APBA2: variants seen among roughly 807,000 people sequenced by gnomAD.
APBA2 encodes the protein amyloid beta precursor protein binding family A member 2.
In APBA2, 30 loss-of-function variants were observed where a neutral mutation model predicts 75.0. The observed-to-expected ratio is 0.40, with a 90% CI of 0.30 to 0.54. APBA2 has a LOEUF of 0.54. Ranked by LOEUF, APBA2 falls within the 20% of genes least tolerant of loss-of-function variation. APBA2 has a pLI of 0.49. For synonymous variants in APBA2, 444 were observed against 409.6 expected (o/e 1.08, Z -1.01); for missense variants, 801 against 1,016.1 (o/e 0.79, Z 2.88).
chr15:29,112,958 G>A (rs1284811100), intron 13 of APBA2, among the ~76,000 whole-genome samples: 1 of 152,114 alleles, frequency 6.6e-6, no homozygotes, highest in African/African-American at 2.4e-5. Context: ...CACAGTGTTT[G>A]TTCGTGTGCC....
At chr15:29,075,977 A>G in intron 5 of APBA2, 78 bp from the exon 6 acceptor site, 1 of 1,326,870 alleles carries the variant, frequency 7.5e-7, no homozygotes, top group South Asian at 1.2e-5. Context: ...CTCATATCAC[A>G]GCCCTGCTTA....
chr15:28,937,011 A>G (rs2034914804), intron 2 of APBA2, among the ~76,000 whole-genome samples: 1 of 152,218 alleles, frequency 6.6e-6, no homozygotes, highest in South Asian at 2.1e-4. Flanking sequence ...AAATCTGTGC[A>G]GAAAGAGAAA....
chr15:29,032,519 A>G (rs1168106540), intron 3 of APBA2, among the ~76,000 whole-genome samples: 1 of 152,230 alleles, frequency 6.6e-6, no homozygotes, highest in Admixed American at 6.5e-5. Context: ...ATTCCTTGAA[A>G]TAAATCTCTT....
chr15:28,953,916 C>T (rs1298864975), intron 2 of APBA2, among the ~76,000 whole-genome samples: 1 of 152,174 alleles, frequency 6.6e-6, no homozygotes, highest in African/African-American at 2.4e-5. Flanking sequence ...GCTCTGATTT[C>T]TCTTCTGACC....
intron 6 of APBA2, among the ~76,000 whole-genome samples, chr15:29,092,819 G>C (rs1401168966): frequency 1.3e-5 from 2 of 152,204 alleles, no homozygotes; most frequent in African/African-American, 4.8e-5. Flanking sequence ...CAACTGGAAT[G>C]CTGGCATTGT....
intron 6 of APBA2, among the ~76,000 whole-genome samples, chr15:29,083,892 A>G (rs2043184155): frequency 6.6e-6 from 1 of 152,192 alleles, no homozygotes; most frequent in Admixed American, 6.5e-5. Context: ...TTTAGGGGAA[A>G]AAATGTCAGC....
intron 1 of APBA2, among the ~76,000 whole-genome samples, chr15:28,910,191 GTCTGAGTAAAAGAATTGTC>G (rs941491836): frequency 6.6e-6 from 1 of 152,176 alleles, no homozygotes; most frequent in Non-Finnish European, 1.5e-5. Context: ...GCTTACTTTG[GTCTGAGTAAAAGAATTGTC>G]TCCTTTTTTT....
chr15:28,946,663 C>T (rs538994901), intron 2 of APBA2, among the ~76,000 whole-genome samples: 2 of 152,324 alleles, frequency 1.3e-5, no homozygotes, highest in African/African-American at 4.8e-5. Context: ...ACTGCAACCT[C>T]CACCTCTTAG....
chr15:29,041,820 T>A (rs2041062371), intron 3 of APBA2, among the ~76,000 whole-genome samples: 1 of 152,208 alleles, frequency 6.6e-6, no homozygotes, highest in South Asian at 2.1e-4. Flanking sequence ...AATGGTTAGA[T>A]CCCTGGTGAA....
intron 2 of APBA2, among the ~76,000 whole-genome samples, chr15:28,924,243 G>GT (rs75951519): frequency 1.3e-3 from 191 of 150,290 alleles, no homozygotes; most frequent in Middle Eastern, 3.5e-3. Context: ...TCATCTGTAG[G>GT]TTTTTTTTTT....
intron 2 of APBA2, among the ~76,000 whole-genome samples, chr15:28,938,526 C>T (rs976922459): frequency 2.0e-5 from 3 of 152,070 alleles, no homozygotes; most frequent in African/African-American, 4.8e-5. Flanking sequence ...CTTGAGACAG[C>T]GTGACAGAGT....
rs57326919 is a variant in APBA2, at chr15:29,039,098, GGTGTGTGTGTGTGTGTGTGTGT to G, written c.-40-14710_-40-14689del. ...CAGCCTTATTTCAGCTGTATGTCAG[GGTGTGTGTGTGTGTGTGTGTGT>G]GTGTGTGTGTGTGTGTGTGTGTGTG... is the stretch of plus-strand genomic sequence containing the variant. On this transcript the variant is annotated intron_variant, in intron 3 of 14. Coordinates refer to ENST00000683413, the MANE Select transcript of APBA2 (RefSeq NM_001353788.2). Among the ~76,000 whole-genome samples, 362 of 106,294 alleles carry G rather than the reference GGTGTGTGTGTGTGTGTGTGTGT, an allele frequency of 3.4e-3. 2 individuals are homozygous for G. The highest frequency in any genetic ancestry group is 0.011 in the African/African-American group (304 of 28,380). The allele number at this position is 106,294 out of a possible 152,430, so 69.7% of individuals were successfully genotyped here. A position where few individuals can be genotyped will look rare whatever the true frequency, so the allele number is the denominator to read the frequency against.
At chr15:28,942,551 G>C (rs1390382017) in intron 2 of APBA2, among the ~76,000 whole-genome samples, 6 of 152,178 alleles carry the variant, frequency 3.9e-5, no homozygotes. Context: ...AACTCGGTGT[G>C]GTTTTTTCCA....
intron 2 of APBA2, among the ~76,000 whole-genome samples, chr15:28,943,687 C>T (rs565914000): frequency 7.2e-5 from 11 of 152,204 alleles, no homozygotes; most frequent in Non-Finnish European, 1.6e-4. Flanking sequence ...CCTCCTCCAT[C>T]AGGAATCATG....
chr15:29,007,135 A>G (rs1054372038), intron 3 of APBA2, among the ~76,000 whole-genome samples: 4 of 152,238 alleles, frequency 2.6e-5, no homozygotes, highest in African/African-American at 9.6e-5. Flanking sequence ...TTTTTTGACA[A>G]GGATTTCAAG....
chr15:28,917,807 T>C (rs73364791), intron 1 of APBA2, among the ~76,000 whole-genome samples: 5,712 of 152,312 alleles, frequency 0.038, 334 homozygotes, highest in African/African-American at 0.12. Context: ...TAGCTGACTC[T>C]TGTTTTGAGG....
intron 2 of APBA2, among the ~76,000 whole-genome samples, chr15:28,935,792 T>C (rs543206329): frequency 6.6e-6 from 1 of 152,326 alleles, no homozygotes; most frequent in African/African-American, 2.4e-5. Context: ...GTCCCCTAAT[T>C]GTCCAAGAGA....
At position 29,078,335 on chromosome 15, in the gene APBA2, A is replaced by G. The variant is rs532785552; in HGVS notation, c.1069+2244A>G. Among the ~76,000 whole-genome samples the G allele has an allele frequency of 5.6e-5, 8 of 144,016 alleles. No individual in the cohort carries two copies. The South Asian group carries it at 1.8e-3, about 33-fold the overall frequency. 94.5% of individuals were successfully genotyped at this position (144,016 alleles called of 152,430 possible). On this transcript the variant is annotated intron_variant, in intron 6 of 14. Transcript: ENST00000683413. ...AATATTAAAAAGTCTAGAGGTGGCCAGGCACGGTGGCTCATGCCTGTAATC... is the reference window on the plus strand; with the variant it reads ...AATATTAAAAAGTCTAGAGGTGGCCGGGCACGGTGGCTCATGCCTGTAATC...
chr15:29,067,840 A>T (rs1334681230), intron 4 of APBA2, among the ~76,000 whole-genome samples: 1 of 152,146 alleles, frequency 6.6e-6, no homozygotes, highest in African/African-American at 2.4e-5. Flanking sequence ...CTTTGTTTTA[A>T]TGTCTGTAGC....
Sources: gnomAD v4.1 joint callset for allele counts (sites outside exome capture counted in the v4.1 genomes callset) on GRCh38, gnomAD v4.1.1 for gene constraint, MANE v1.5 for transcripts, NCBI Gene and HGNC (gene_info 2026-07-23, HGNC 2026-07-21) for gene names.